The following DENND1A variants were observed in gnomAD, a reference collection of about 807,000 sequenced individuals.
The protein encoded by DENND1A is DENN domain-containing protein 1A.
A neutral mutation model predicts 113.7 loss-of-function variants in DENND1A; 51 were observed. The observed-to-expected ratio is 0.45, with a 90% CI of 0.36 to 0.57. The LOEUF is 0.57. Among genes scored for constraint, DENND1A ranks in the 20% least tolerant of loss-of-function variants. The pLI is 0.00. For synonymous variants in DENND1A, 565 were observed against 570.8 expected, an observed-to-expected ratio of 0.99 and a Z score of 0.14; for missense variants, 1,258 against 1,395.9, an observed-to-expected ratio of 0.90 and a Z score of 1.57.
At chr9:123,819,996 A>G (rs564203630) in intron 2 of DENND1A, among the ~76,000 whole-genome samples, 14 of 152,338 alleles carry the variant, frequency 9.2e-5, no homozygotes, top group Admixed American at 5.9e-4. Flanking sequence ...ACCTACATAT[A>G]TGGTAAAAAA....
chr9:123,837,606 T>A (rs1170945088), intron 2 of DENND1A, among the ~76,000 whole-genome samples: 1 of 152,158 alleles, frequency 6.6e-6, no homozygotes, highest in East Asian at 1.9e-4. Flanking sequence ...ACCAAACTAT[T>A]TTAAAATTAT....
chr9:123,687,492 T>C (rs1397820402), intron 5 of DENND1A, among the ~76,000 whole-genome samples: 2 of 152,136 alleles, frequency 1.3e-5, no homozygotes, highest in African/African-American at 4.8e-5. Flanking sequence ...GAGCACCACA[T>C]CCAAGAATGA....
At chr9:123,389,375 C>T (rs553722332) in intron 21 of DENND1A, among the ~76,000 whole-genome samples, 111 of 152,364 alleles carry the variant, frequency 7.3e-4, no homozygotes, top group African/African-American at 2.6e-3. Context: ...TTCTCTGCTC[C>T]CAGGCTGCCT....
intron 12 of DENND1A, among the ~76,000 whole-genome samples, chr9:123,582,695 G>A (rs1463168443): frequency 2.1e-5 from 3 of 144,102 alleles, no homozygotes; most frequent in Non-Finnish European, 3.1e-5. Context: ...CACTGTGCCC[G>A]GCCATTTCTT....
chr9:123,438,961 C>T (rs2046726671), intron 19 of DENND1A, among the ~76,000 whole-genome samples: 1 of 152,192 alleles, frequency 6.6e-6, no homozygotes, highest in Non-Finnish European at 1.5e-5. Context: ...TAATGGGCTC[C>T]AAACTCCAGT....
intron 13 of DENND1A, among the ~76,000 whole-genome samples, chr9:123,554,032 A>C (rs955254123): frequency 2.0e-5 from 3 of 152,226 alleles, no homozygotes; most frequent in African/African-American, 4.8e-5. Flanking sequence ...CTGGGATTAT[A>C]GGCGTGAGCC....
chr9:123,651,235 T>C (rs574563590), intron 9 of DENND1A, among the ~76,000 whole-genome samples: 1 of 152,164 alleles, frequency 6.6e-6, no homozygotes, highest in East Asian at 1.9e-4. Flanking sequence ...AAAATAAATG[T>C]GAAAGGATAT....
At chr9:123,675,067 T>C (rs1476934530) in intron 6 of DENND1A, among the ~76,000 whole-genome samples, 1 of 152,212 alleles carries the variant, frequency 6.6e-6, no homozygotes. Context: ...AATCCACTTC[T>C]TTTACGACAG....
intron 3 of DENND1A, among the ~76,000 whole-genome samples, chr9:123,779,993 A>G (rs146970290): frequency 0.011 from 1,561 of 138,740 alleles, 31 homozygotes; most frequent in African/African-American, 0.046. Flanking sequence ...AGCTGGGATT[A>G]CAGGCGCCCC....
At chr9:123,549,872 G>C (rs73665310) in intron 13 of DENND1A, among the ~76,000 whole-genome samples, 5,050 of 152,198 alleles carry the variant, frequency 0.033, 284 homozygotes, top group African/African-American at 0.12. Context: ...TGGGACTATG[G>C]TGCTGTTTTG....
At chr9:123,613,148 A>C (rs2060492083) in intron 10 of DENND1A, among the ~76,000 whole-genome samples, 1 of 152,170 alleles carries the variant, frequency 6.6e-6, no homozygotes. Flanking sequence ...TACTCCACTG[A>C]GTTCAGGAGG....
At position 123,839,003 on chromosome 9, in the gene DENND1A, T is replaced by C. The variant is rs533751824; in HGVS notation, c.88+39948A>G. 1.5e-4 allele frequency among the ~76,000 whole-genome samples: 23 copies of C among 152,310 alleles called. 1 individual carries two copies. The East Asian group carries it at 4.4e-3, about 29-fold the overall frequency. On this transcript the variant is annotated intron_variant, in intron 2 of 23. Coordinates refer to ENST00000394215, the MANE Select transcript of DENND1A (RefSeq NM_001352964.2). Reference sequence around the variant, plus strand: ...CATATCTTTTTCCATGCAGACATGTTTCACTCTGCTCACGCGGAAGGGGCA... The same window carrying C: ...CATATCTTTTTCCATGCAGACATGTCTCACTCTGCTCACGCGGAAGGGGCA...
rs2042180198 is a variant in DENND1A, at chr9:123,379,703, G to GGACTT, written c.*1728_*1729insAAGTC. Reference sequence around the variant, plus strand: ...GAATGCACACAAAGTTCATCCTTGGGTTTGCAAAAAGTCCCACAAGTGAAG... The same window carrying GGACTT: ...GAATGCACACAAAGTTCATCCTTGGGGACTTTTTGCAAAAAGTCCCACAAGTGAAG... On this transcript the variant is annotated 3_prime_UTR_variant, in exon 24 of 24. Transcript: ENST00000394215. The GGACTT allele has an allele frequency of 6.6e-6, 1 of 152,300 alleles. No individual in the cohort carries two copies. Among genetic ancestry groups the GGACTT allele is most frequent in the South Asian group, 2.1e-4 (1 of 4,836 alleles). 9.4% of individuals were successfully genotyped at this position (152,300 alleles called of 1,614,324 possible). A position where few individuals can be genotyped will look rare whatever the true frequency, so the allele number is the denominator to read the frequency against.
intron 5 of DENND1A, among the ~76,000 whole-genome samples, chr9:123,696,709 A>C (rs2065542059): frequency 6.6e-6 from 1 of 152,154 alleles, no homozygotes; most frequent in African/African-American, 2.4e-5. Context: ...TCTTATAATA[A>C]ATATACTCCC....
chr9:123,828,685 A>C (rs1196957100), intron 2 of DENND1A, among the ~76,000 whole-genome samples: 2 of 152,064 alleles, frequency 1.3e-5, no homozygotes, highest in African/African-American at 4.8e-5. Flanking sequence ...AACACCCATA[A>C]GACTTACAGA....
intron 5 of DENND1A, among the ~76,000 whole-genome samples, chr9:123,740,896 A>AAGAGAGAGAGAG (rs1415256378): frequency 1.2e-4 from 4 of 33,962 alleles, no homozygotes; most frequent in African/African-American, 3.1e-4. Context: ...GAGGAAGGGA[A>AAGAGAGAGAGAG]AGTGAGAGAG....
chr9:123,744,979 T>C (rs1173223694), intron 5 of DENND1A, among the ~76,000 whole-genome samples: 2 of 152,130 alleles, frequency 1.3e-5, no homozygotes, highest in Admixed American at 1.3e-4. Flanking sequence ...TTTCACCATG[T>C]TGGCCAGGCT....
In DENND1A at chr9:123,754,110, C is replaced by T. The variant is rs1008952210; in HGVS notation, c.302+3593G>A. Among the ~76,000 whole-genome samples the T allele has an allele frequency of 3.9e-5, 6 of 152,172 alleles. No homozygotes were observed. In the South Asian group the frequency reaches 1.2e-3, roughly 32 times the overall value. ...GTTTATGAGCAGACTTGAGCCACAG[C>T]CCTGGGCACACTGTGAAGGGTGATT... On this transcript the variant is annotated intron_variant, in intron 5 of 23. Transcript: ENST00000394215.
At chr9:123,519,313 C>T (rs1382757145) in intron 13 of DENND1A, among the ~76,000 whole-genome samples, 2 of 152,230 alleles carry the variant, frequency 1.3e-5, no homozygotes, top group Non-Finnish European at 1.5e-5. Flanking sequence ...GGCTGCCCAC[C>T]CAGCCCTCAT....
Sources: gnomAD v4.1 joint callset for allele counts (sites outside exome capture counted in the v4.1 genomes callset) on GRCh38, gnomAD v4.1.1 for gene constraint, MANE v1.5 for transcripts, NCBI Gene and HGNC (gene_info 2026-07-23, HGNC 2026-07-21) for gene names.